Variants in SERINC2 observed in about 807,000 individuals in gnomAD.
SERINC2 encodes the protein tumor differentially expressed protein 2.
Under a neutral mutation model 54.2 loss-of-function variants are expected in SERINC2, and 56 were observed. The ratio of observed to expected loss-of-function variants is 1.03; its 90% CI spans 0.83 to 1.29. The LOEUF (loss-of-function observed/expected upper bound fraction) is 1.29, where lower values mean the gene tolerates loss of function less well. Among genes scored for constraint, SERINC2 ranks in the 50% most tolerant of loss-of-function variants. The pLI is 0.00. For missense variants in SERINC2, 614 were observed against 607.4 expected (o/e 1.01, Z -0.12); for synonymous variants, 272 against 253.1 (o/e 1.07, Z -0.71).
chr1:31,432,828 G>C (rs781789682), intron 8 of SERINC2, 139 bp from the exon 9 acceptor site: 2 of 650,248 alleles, frequency 3.1e-6, no homozygotes, highest in Non-Finnish European at 5.4e-6. Flanking sequence ...TAGGGGTAGA[G>C]TTGAGAGGCA....
At chr1:31,433,841 G>C (rs373441417) in intron 9 of SERINC2, among the ~76,000 whole-genome samples, 2 of 152,146 alleles carry the variant, frequency 1.3e-5, no homozygotes, top group African/African-American at 4.8e-5. Flanking sequence ...CAGGAGTCAG[G>C]TCATGATCTC....
Position 31,425,898 on chromosome 1 carries a change from C to T in SERINC2, c.595C>T (p.Arg199Cys), listed in dbSNP as rs139893572. Reference sequence around the variant, plus strand: ...GGGCAAGGCCGAGGAGTGCGATTCCCGTGCCTGGTACGCAGGTCAGTGCTG... The same window carrying T: ...GGGCAAGGCCGAGGAGTGCGATTCCTGTGCCTGGTACGCAGGTCAGTGCTG... ...WLGKAEECDS[R>C]AWYAGLFFFT... The change falls in exon 5 of 10, where the codon CGT (arginine) becomes TGT (cysteine). Residue 199 changes from arginine (R) to cysteine (C), a missense_variant. Physicochemically the swap from Arg to Cys is radical, Grantham distance 180. Transcript: ENST00000373709. 139 of 1,612,182 alleles carry T rather than the reference C, an allele frequency of 8.6e-5. 1 individual carries two copies. Among genetic ancestry groups the T allele is most frequent in the Middle Eastern group, 8.4e-4 (5 of 5,984 alleles).
intron 8 of SERINC2, among the ~76,000 whole-genome samples, chr1:31,432,113 GGGTGGTTAGGGTGGAT>G (rs1557501353): frequency 1.0e-4 from 13 of 129,340 alleles, no homozygotes; most frequent in South Asian, 2.6e-4. Context: ...AGGGTGGATA[GGGTGGTTAGGGTGGAT>G]AGGGTGGACA....
chr1:31,429,676 G>T, intron 8 of SERINC2, 138 bp downstream of exon 8: 1 of 984,356 alleles, frequency 1.0e-6, no homozygotes. Context: ...CATTGTGCGG[G>T]AGGGGAAACT....
intron 8 of SERINC2, among the ~76,000 whole-genome samples, chr1:31,432,084 T>TAGGGTGGATAGGGTGGAC (rs1641280379): frequency 1.5e-4 from 2 of 13,442 alleles, no homozygotes; most frequent in Non-Finnish European, 1.5e-4. Flanking sequence ...ACAGGGTGGT[T>TAGGGTGGATAGGGTGGAC]AGGGTGGACA....
chr1:31,433,903 C>T (rs782435957), intron 9 of SERINC2, among the ~76,000 whole-genome samples, 161 bp from the exon 10 acceptor site: 4 of 152,096 alleles, frequency 2.6e-5, no homozygotes, highest in South Asian at 2.1e-4. Context: ...GCTATGTCCA[C>T]GGTCACAAGG....
intron 1 of SERINC2, among the ~76,000 whole-genome samples, chr1:31,415,378 A>G (rs1553132096): frequency 6.6e-6 from 1 of 152,124 alleles, no homozygotes; most frequent in African/African-American, 2.4e-5. Flanking sequence ...TCTGACATTT[A>G]CTGAGCCAGG....
In SERINC2 at chr1:31,426,875, G is replaced by A. The variant is rs782448465; in HGVS notation, c.780+52G>A. 3 of 1,548,504 alleles carry A rather than the reference G, an allele frequency of 1.9e-6. No individual in the cohort carries two copies. In the East Asian group the frequency reaches 6.8e-5, roughly 35 times the overall value. ...TGAAGCCCGGCCCCTTAGTGGGTGG[G>A]ACTTCTTGTAGGAACCTGGGTCCTG... On this transcript the variant is annotated intron_variant, in intron 6 of 9. Coordinates refer to ENST00000373709, the MANE Select transcript of SERINC2 (RefSeq NM_178865.5).
At chr1:31,412,000 C>CA (rs11368197), upstream of SERINC2, among the ~76,000 whole-genome samples, 292 of 44,518 alleles carry the variant, frequency 6.6e-3, 13 homozygotes, top group East Asian at 0.019. Context: ...GACCCTGTCT[C>CA]AAAAAAAAAA....
At chr1:31,420,606 G>A (rs142990516) in intron 1 of SERINC2, among the ~76,000 whole-genome samples, 1 of 152,296 alleles carries the variant, frequency 6.6e-6, no homozygotes, top group East Asian at 1.9e-4. Flanking sequence ...GAATTAGCGA[G>A]CTGGAACTAG....
rs1413407374 is a variant in SERINC2 at position 31,413,808 on chromosome 1, C to T, written c.39+504C>T. The T allele has an allele frequency of 1.0e-5, 14 of 1,385,884 alleles. No individual in the cohort carries two copies. The highest frequency in any genetic ancestry group is 1.1e-5 in the Non-Finnish European group (12 of 1,075,834). 85.8% of individuals were successfully genotyped at this position (1,385,884 alleles called of 1,614,324 possible). ...TCCTGTCGCTCGGGCTCCGCCTGTC[C>T]GTTCGTATTTGTCTGGTTCCTGTCT... On this transcript the variant is annotated intron_variant, in intron 1 of 9. Coordinates refer to ENST00000373709, the MANE Select transcript of SERINC2 (RefSeq NM_178865.5). This position sits in a 1 kb window ranked among gnomAD's most constrained non-coding sequence, Gnocchi z 5.0.
chr1:31,429,189 T>C (rs1641127220), intron 7 of SERINC2, 121 bp downstream of exon 7: 1 of 1,051,748 alleles, frequency 9.5e-7, no homozygotes, highest in African/African-American at 1.6e-5. Context: ...ATTCTGAGAC[T>C]CAGTCCTCCC....
rs782124569 is a variant in SERINC2 at position 31,426,772 on chromosome 1, C to T, written c.729C>T (p.Asn243=). The part of the protein sequence containing the change: ...CHEGKVFISL[N]LTFCVCVSIA... ...AGGGCAAGGTCTTCATCAGCCTCAA[C>T]CTCACCTTCTGTGTCTGCGTGTCCA... Residue 243 remains asparagine, a synonymous_variant, in exon 6 of 10, where the codon AAC becomes AAT. Coordinates refer to ENST00000373709, the MANE Select transcript of SERINC2 (RefSeq NM_178865.5). 1 of 1,614,148 alleles carries T rather than the reference C, an allele frequency of 6.2e-7. No individual in the cohort carries two copies. Among genetic ancestry groups the T allele is most frequent in the Non-Finnish European group, 8.5e-7 (1 of 1,180,024 alleles).
At chr1:31,434,012 TG>T in intron 9 of SERINC2, 51 bp from the exon 10 acceptor site, 1 of 1,594,900 alleles carries the variant, frequency 6.3e-7, no homozygotes, top group East Asian at 2.2e-5. Context: ...GGGGCCAAGA[TG>T]GAAGTCACCA....
Position 31,432,164 on chromosome 1 carries a change from A to T in SERINC2, c.1014-803A>T, listed in dbSNP as rs868945566. ...AGGGTGGACAGGGTGGACAGGGTGG[A>T]TAGGGTGGATAGGGTGGATAGGGTG... On this transcript the variant is annotated intron_variant, in intron 8 of 9. Coordinates refer to ENST00000373709, the MANE Select transcript of SERINC2 (RefSeq NM_178865.5). Among the ~76,000 whole-genome samples the T allele has an allele frequency of 3.7e-3, 308 of 82,388 alleles. 18 individuals are homozygous for T. Among genetic ancestry groups the T allele is most frequent in the African/African-American group, 8.7e-3 (129 of 14,796 alleles). The allele number at this position is 82,388 out of a possible 152,430, so 54.0% of individuals were successfully genotyped here.
upstream of SERINC2, among the ~76,000 whole-genome samples, chr1:31,410,661 G>T (rs1334448057): frequency 6.6e-6 from 1 of 152,232 alleles, no homozygotes; most frequent in Non-Finnish European, 1.5e-5. Flanking sequence ...TGCTCTGTGA[G>T]GTTAAACAGA....
upstream of SERINC2, among the ~76,000 whole-genome samples, chr1:31,412,614 A>G (rs569950671): frequency 4.6e-5 from 7 of 152,270 alleles, no homozygotes; most frequent in Admixed American, 1.3e-4. Flanking sequence ...GGCTGCAGTG[A>G]GCTATGTTTG....
intron 6 of SERINC2, among the ~76,000 whole-genome samples, chr1:31,428,431 C>A (rs935881608): frequency 6.6e-6 from 1 of 152,020 alleles, no homozygotes; most frequent in African/African-American, 2.4e-5. Context: ...GGACTAGGCC[C>A]AGTGAGGTGA....
Position 31,414,444 on chromosome 1 carries a change from TGTGTGTGTGTGA to T in SERINC2, c.39+1142_39+1153del. 6.1e-6 allele frequency: 6 copies of T among 990,456 alleles called. No homozygotes were observed. The South Asian group carries it at 1.4e-4, about 23-fold the overall frequency. 61.4% of individuals were successfully genotyped at this position (990,456 alleles called of 1,614,324 possible). A position where few individuals can be genotyped will look rare whatever the true frequency, so the allele number is the denominator to read the frequency against. ...GGTTGTGTGTGTGTGTGTGTGTGTG[TGTGTGTGTGTGA>T]GAGAGAGAGAGAGAGAGAGGAGGGG... On this transcript the variant is annotated intron_variant, in intron 1 of 9. Coordinates refer to ENST00000373709, the MANE Select transcript of SERINC2 (RefSeq NM_178865.5).
Sources: allele counts gnomAD v4.1 joint callset (sites outside exome capture counted in the v4.1 genomes callset), GRCh38; gene constraint gnomAD v4.1.1; non-coding constraint Gnocchi (gnomAD v3.1); transcripts MANE v1.5; gene names NCBI Gene and HGNC (gene_info 2026-07-23, HGNC 2026-07-21).